Variants in AFF1 observed in about 807,000 individuals in gnomAD.
The protein encoded by AFF1 is AF4/FMR2 family member 1.
A neutral mutation model predicts 121.7 loss-of-function variants in AFF1; 48 were observed. That is an observed-to-expected ratio of 0.39 (90% CI 0.31 to 0.50). The LOEUF is 0.50. AFF1 is among the 20% of genes least tolerant of loss of function. The pLI is 0.76. For missense variants in AFF1, 1,523 were observed against 1,511.7 expected, an observed-to-expected ratio of 1.01 and a Z score of -0.12; for synonymous variants, 613 against 563.0, an observed-to-expected ratio of 1.09 and a Z score of -1.26.
intron 2 of AFF1, chr4:87,006,939 T>C (rs1726192939): frequency 9.8e-7 from 1 of 1,022,698 alleles, no homozygotes; most frequent in Non-Finnish European, 1.2e-6. Flanking sequence ...CGCAACTTTC[T>C]TGACAGGGGG....
At position 87,114,847 on chromosome 4, in the gene AFF1, C is replaced by T. The variant is rs376031240; in HGVS notation, c.2014C>T (p.Pro672Ser). 2.5e-6 allele frequency: 4 copies of T among 1,613,754 alleles called. No homozygotes were observed. Among genetic ancestry groups the T allele is most frequent in the Middle Eastern group, 1.6e-4 (1 of 6,082 alleles). The change falls in exon 12 of 21, where the codon CCC (proline) becomes TCC (serine). Residue 672 changes from proline (P) to serine (S), a missense_variant. Pro to Ser is a moderately conservative substitution (Grantham distance 74, BLOSUM62 -1). Around this residue, in one of 5 missense-constraint regions of AFF1, gnomAD observed 905 missense variants for 842.5 expected, o/e 1.07. Coordinates refer to ENST00000395146, the MANE Select transcript of AFF1 (RefSeq NM_001166693.3). ...ASNEPKPAVP[P>S]SSEKKKHKSS... The stretch of plus-strand genomic sequence containing the variant: ...CAACGAACCCAAGCCAGCAGTGCCC[C>T]CCTCCAGTGAGAAGAAGAAGCACAA...
intron 2 of AFF1, among the ~76,000 whole-genome samples, chr4:86,985,862 A>G (rs1052283309): frequency 1.4e-5 from 2 of 148,006 alleles, no homozygotes; most frequent in African/African-American, 5.1e-5. Context: ...TTATTTACAG[A>G]AAAAAAAACT....
intron 2 of AFF1, among the ~76,000 whole-genome samples, chr4:87,003,443 A>G (rs1294871559): frequency 6.6e-6 from 1 of 152,018 alleles, no homozygotes; most frequent in Admixed American, 6.6e-5. Context: ...TAATAGAGAC[A>G]AGGACTTGCT....
intron 2 of AFF1, chr4:87,036,924 C>G: frequency 2.6e-6 from 1 of 383,512 alleles, no homozygotes; most frequent in South Asian, 2.0e-5. Context: ...CTCTGCCTCT[C>G]AGGCTCAAGT....
At chr4:86,996,045 C>T (rs936860950) in intron 2 of AFF1, among the ~76,000 whole-genome samples, 1 of 151,680 alleles carries the variant, frequency 6.6e-6, no homozygotes, top group Admixed American at 6.6e-5. Flanking sequence ...GCAGCCACCC[C>T]GTCTGGGAAG....
chr4:87,047,343 TTGG>T lies in AFF1; in HGVS notation c.812_814del (p.Val271del), dbSNP rs1314558595. 4 of 1,614,042 alleles carry T rather than the reference TTGG, an allele frequency of 2.5e-6. No homozygotes were observed. Among genetic ancestry groups the T allele is most frequent in the South Asian group, 1.1e-5 (1 of 91,062 alleles). The stretch of plus-strand genomic sequence containing the variant: ...TGATAAAGAGACCCCTCAAGACAGT[TTGG>T]TGGCCCCTGCCCAGCCGCCTTCTCA... On this transcript the variant is annotated inframe_deletion, in exon 4 of 21. Coordinates refer to ENST00000395146, the MANE Select transcript of AFF1 (RefSeq NM_001166693.3).
chr4:87,077,984 C>T (rs1722838673), intron 4 of AFF1, among the ~76,000 whole-genome samples: 1 of 152,116 alleles, frequency 6.6e-6, no homozygotes, highest in African/African-American at 2.4e-5. Context: ...ATGTAGGAGG[C>T]AGTGCTAAAG....
At chr4:87,107,649 T>A (rs1726052489) in intron 10 of AFF1, among the ~76,000 whole-genome samples, 1 of 152,242 alleles carries the variant, frequency 6.6e-6, no homozygotes, top group African/African-American at 2.4e-5. Flanking sequence ...GAAATTAATT[T>A]GATTTGGTTA....
rs1730836123 is a variant in AFF1 at position 87,047,535 on chromosome 4, T to C, written c.1000T>C (p.Leu334=). ...ACAGCAGACCTTTGAAAAAACAGAC[T>C]TGAAAGTGCCTGCCAAAGCCAAGCT... is the stretch of plus-strand genomic sequence containing the variant. ...YRQQTFEKTD[L]KVPAKAKLTK... Residue 334 remains leucine (L), a synonymous_variant, in exon 4 of 21, where the codon TTG becomes CTG. Transcript: ENST00000395146. The C allele has an allele frequency of 2.5e-6, 4 of 1,614,044 alleles. No individual in the cohort carries two copies. In the East Asian group the frequency reaches 8.9e-5, roughly 36 times the overall value.
chr4:86,966,871 A>G (rs1578862857), intron 2 of AFF1, among the ~76,000 whole-genome samples: 1 of 152,146 alleles, frequency 6.6e-6, no homozygotes, highest in African/African-American at 2.4e-5. Context: ...CATATCTCCT[A>G]CACTTTAGAG....
intron 2 of AFF1, 137 bp from the exon 3 acceptor site, chr4:87,046,029 T>C: frequency 9.1e-7 from 1 of 1,097,014 alleles, no homozygotes; most frequent in East Asian, 2.6e-5. Flanking sequence ...GAACTTAGGC[T>C]TTCTTTAAAT....
At chr4:87,127,343 T>C (rs1471367107) in intron 15 of AFF1, among the ~76,000 whole-genome samples, 1 of 152,118 alleles carries the variant, frequency 6.6e-6, no homozygotes, top group Non-Finnish European at 1.5e-5. Flanking sequence ...TTTGTATTTT[T>C]AGTAGAGACG....
intron 2 of AFF1, chr4:87,007,261 G>T: frequency 6.6e-7 from 1 of 1,510,184 alleles, no homozygotes. Context: ...CCCGGGGCTC[G>T]AGAGCAGGTA....
chr4:87,101,687 G>T (rs1193013016), intron 8 of AFF1, among the ~76,000 whole-genome samples: 2 of 152,024 alleles, frequency 1.3e-5, no homozygotes, highest in East Asian at 3.9e-4. Flanking sequence ...TTTCAGATTT[G>T]TGAGATTCTA....
At chr4:87,003,270 A>T (rs567926744) in intron 2 of AFF1, among the ~76,000 whole-genome samples, 1 of 151,934 alleles carries the variant, frequency 6.6e-6, no homozygotes, top group Admixed American at 6.5e-5. Flanking sequence ...TTTTCCATTT[A>T]TTCATTTATT....
intron 4 of AFF1, among the ~76,000 whole-genome samples, chr4:87,063,255 T>TG (rs1720973570): frequency 7.4e-6 from 1 of 135,096 alleles, no homozygotes; most frequent in African/African-American, 2.9e-5. Context: ...TTTTTTTTTT[T>TG]TGAGACAGAG....
chr4:87,001,342 G>A (rs1177032717), intron 2 of AFF1, among the ~76,000 whole-genome samples: 2 of 143,194 alleles, frequency 1.4e-5, no homozygotes, highest in African/African-American at 5.1e-5. Flanking sequence ...TCAGCCTCCC[G>A]AGTAGCTGGG....
rs1267464426 is a variant in AFF1, at chr4:87,139,503, G to A, written c.*3802G>A. Reference sequence around the variant, plus strand: ...CACTGATTAGCAGTATTTAAATCTTGCAAGAATATTTTGTGCTTTCTTTAG... The same window carrying A: ...CACTGATTAGCAGTATTTAAATCTTACAAGAATATTTTGTGCTTTCTTTAG... On this transcript the variant is annotated 3_prime_UTR_variant, in exon 21 of 21. Transcript: ENST00000395146. 4.3e-6 allele frequency: 1 copy of A among 231,406 alleles called. No individual in the cohort carries two copies. The highest frequency in any genetic ancestry group is 2.2e-5 in the African/African-American group (1 of 45,178). 14.3% of individuals were successfully genotyped at this position (231,406 alleles called of 1,614,324 possible).
intron 2 of AFF1, among the ~76,000 whole-genome samples, chr4:86,970,923 T>C (rs72667741): frequency 0.17 from 26,522 of 151,808 alleles, 2,521 homozygotes; most frequent in East Asian, 0.31. Flanking sequence ...TGGGATGAGG[T>C]TTGGGAGCTG....
Sources: allele counts gnomAD v4.1 joint callset (sites outside exome capture counted in the v4.1 genomes callset), GRCh38; gene constraint gnomAD v4.1.1; regional missense constraint gnomAD v4.1.1; transcripts MANE v1.5; gene names NCBI Gene and HGNC (gene_info 2026-07-23, HGNC 2026-07-21).